Variants in SYT14 observed in about 807,000 individuals in gnomAD.
The protein encoded by SYT14 is synaptotagmin-14.
Under a neutral mutation model 74.2 loss-of-function variants are expected in SYT14, and 32 were observed. The ratio of observed to expected loss-of-function variants is 0.43; its 90% CI spans 0.33 to 0.58. SYT14 has a LOEUF of 0.58. SYT14 is among the 20% of genes least tolerant of loss of function. The pLI is 0.05. For missense variants in SYT14, 791 were observed against 981.8 expected (o/e 0.81, Z 2.60); for synonymous variants, 298 against 337.7 (o/e 0.88, Z 1.29).
chr1:210,028,862 T>C (rs2080468781), intron 5 of SYT14, among the ~76,000 whole-genome samples: 1 of 152,186 alleles, frequency 6.6e-6, no homozygotes, highest in East Asian at 1.9e-4. Flanking sequence ...TTTTCCACAG[T>C]GACTATACTA....
At chr1:210,010,510 C>T (rs1228795552) in intron 2 of SYT14, among the ~76,000 whole-genome samples, 2 of 152,050 alleles carry the variant, frequency 1.3e-5, no homozygotes, top group African/African-American at 4.8e-5. Context: ...GGTTCTATTC[C>T]TTTTTTATAC....
chr1:210,041,989 G>A (rs762168453), intron 5 of SYT14, among the ~76,000 whole-genome samples: 1 of 151,996 alleles, frequency 6.6e-6, no homozygotes, highest in Non-Finnish European at 1.5e-5. Context: ...ACTGAGCCAA[G>A]CGTTGCTTAG....
At chr1:210,167,292 C>T (rs919280690) in exon 10 of SYT14, 1 of 152,208 alleles carries the variant, frequency 6.6e-6, no homozygotes, top group East Asian at 1.9e-4. Flanking sequence ...TGTCATCACA[C>T]TCATCAGATG....
At chr1:209,991,298 A>G (rs2079680108) in intron 2 of SYT14, among the ~76,000 whole-genome samples, 1 of 152,194 alleles carries the variant, frequency 6.6e-6, no homozygotes, top group African/African-American at 2.4e-5. Context: ...TATAAACTGA[A>G]AAGCTTCTGC....
intron 2 of SYT14, among the ~76,000 whole-genome samples, chr1:209,988,108 G>A (rs555254673): frequency 1.3e-5 from 2 of 152,192 alleles, no homozygotes; most frequent in African/African-American, 4.8e-5. Context: ...TCTACTTGAA[G>A]TTGTTCCACA....
intron 5 of SYT14, among the ~76,000 whole-genome samples, chr1:210,049,825 C>T (rs1041289668): frequency 3.9e-5 from 6 of 152,140 alleles, no homozygotes; most frequent in African/African-American, 1.4e-4. Flanking sequence ...CTTTCAGCCA[C>T]GGATGGAGCA....
At chr1:210,059,822 T>C (rs2081175338) in intron 5 of SYT14, among the ~76,000 whole-genome samples, 1 of 152,104 alleles carries the variant, frequency 6.6e-6, no homozygotes, top group Admixed American at 6.6e-5. Context: ...CACCCTCTAA[T>C]TTGCAAGACA....
At chr1:210,072,862 A>G (rs540859602) in intron 5 of SYT14, among the ~76,000 whole-genome samples, 1 of 151,974 alleles carries the variant, frequency 6.6e-6, no homozygotes, top group African/African-American at 2.4e-5. Context: ...TTTTTGGGAC[A>G]TACTAAATTT....
chr1:209,946,614 G>T (rs967602085), intron 1 of SYT14, among the ~76,000 whole-genome samples: 1 of 152,182 alleles, frequency 6.6e-6, no homozygotes, highest in Non-Finnish European at 1.5e-5. Context: ...AGTTCATAAG[G>T]TTTAGAAAGA....
chr1:210,162,712 T>A (rs1362248656), exon 10 of SYT14: 5 of 450,018 alleles, frequency 1.1e-5, no homozygotes, highest in South Asian at 6.3e-5. Flanking sequence ...TTACTTCAGC[T>A]TGGCTGTACT....
chr1:209,970,369 A>C (rs572866009), intron 2 of SYT14, among the ~76,000 whole-genome samples: 1 of 152,130 alleles, frequency 6.6e-6, no homozygotes, highest in East Asian at 1.9e-4. Flanking sequence ...TCAGTTGGCT[A>C]TAGGTACGTA....
Position 210,118,538 on chromosome 1 carries a change from C to T in SYT14, c.2034+18077C>T, listed in dbSNP as rs540006245. 3.6e-4 allele frequency among the ~76,000 whole-genome samples: 55 copies of T among 152,054 alleles called. 1 individual carries two copies. The South Asian group carries it at 0.011, about 32-fold the overall frequency. ...CATTACCCAGGCTGGAGTGCAATGG[C>T]GTGGTCTCGGCTCACTGCAACCTCC... On this transcript the variant is annotated intron_variant, in intron 7 of 9. Transcript: ENST00000637265.
chr1:210,128,010 A>G (rs2082601476), intron 7 of SYT14, among the ~76,000 whole-genome samples: 2 of 152,024 alleles, frequency 1.3e-5, no homozygotes, highest in African/African-American at 4.8e-5. Flanking sequence ...AGCCTGGGCA[A>G]AAAGAGAAAA....
chr1:210,150,574 C>T (rs1250015744), intron 7 of SYT14, among the ~76,000 whole-genome samples: 1 of 152,170 alleles, frequency 6.6e-6, no homozygotes, highest in Admixed American at 6.5e-5. Flanking sequence ...AGCGGCAGCT[C>T]TAACTTTGCA....
chr1:209,957,073 T>C (rs570597855), intron 2 of SYT14, among the ~76,000 whole-genome samples: 19 of 152,270 alleles, frequency 1.2e-4, no homozygotes, highest in African/African-American at 4.1e-4. Context: ...AACTAACTTA[T>C]GCTGACTGAG....
exon 10 of SYT14, chr1:210,163,381 C>A: frequency 2.2e-6 from 1 of 453,584 alleles, no homozygotes; most frequent in Non-Finnish European, 4.4e-6. Flanking sequence ...TTTAATATTT[C>A]TGGAAAGACC....
intron 1 of SYT14, among the ~76,000 whole-genome samples, chr1:209,947,125 C>T (rs1427437502): frequency 1.3e-5 from 2 of 152,140 alleles, no homozygotes; most frequent in Non-Finnish European, 2.9e-5. Context: ...ATCTGCTCAC[C>T]CAGGAGCTCT....
chr1:209,992,174 C>A (rs2079701776), intron 2 of SYT14, among the ~76,000 whole-genome samples: 1 of 152,054 alleles, frequency 6.6e-6, no homozygotes, highest in Admixed American at 6.5e-5. Context: ...GAGACAGGGT[C>A]TTGCTCTGTC....
intron 5 of SYT14, among the ~76,000 whole-genome samples, chr1:210,068,440 G>A (rs2081335164): frequency 6.6e-6 from 1 of 151,424 alleles, no homozygotes; most frequent in African/African-American, 2.4e-5. Flanking sequence ...TGGATTATTT[G>A]CTTTTTTTCA....
Sources: gnomAD v4.1 joint callset for allele counts (sites outside exome capture counted in the v4.1 genomes callset) on GRCh38, gnomAD v4.1.1 for gene constraint, MANE v1.5 for transcripts, NCBI Gene and HGNC (gene_info 2026-07-23, HGNC 2026-07-21) for gene names.